The following SORCS2 variants were observed in gnomAD, a reference collection of about 807,000 sequenced individuals.
The protein encoded by SORCS2 is sortilin related VPS10 domain containing receptor 2.
A neutral mutation model predicts 141.6 loss-of-function variants in SORCS2; 100 were observed. The ratio of observed to expected loss-of-function variants is 0.71; its 90% CI spans 0.60 to 0.83. The LOEUF (loss-of-function observed/expected upper bound fraction) is 0.83, where lower values mean the gene tolerates loss of function less well. SORCS2 is among the 40% of genes least tolerant of loss of function. SORCS2 has a pLI of 0.00. For missense variants in SORCS2, 1,646 were observed against 1,560.2 expected, an observed-to-expected ratio of 1.05 and a Z score of -0.93; for synonymous variants, 789 against 676.9, an observed-to-expected ratio of 1.17 and a Z score of -2.57.
intron 1 of SORCS2, among the ~76,000 whole-genome samples, chr4:7,352,753 G>A (rs1031959439): frequency 2.6e-5 from 4 of 152,236 alleles, no homozygotes; most frequent in Non-Finnish European, 4.4e-5. Context: ...AGTCTTTGAA[G>A]CTGTCAACAG....
chr4:7,517,535 C>G (rs1293308456), intron 2 of SORCS2, among the ~76,000 whole-genome samples: 1 of 152,112 alleles, frequency 6.6e-6, no homozygotes, highest in African/African-American at 2.4e-5. Context: ...AACAGTGCCT[C>G]GAAAAATCAG....
chr4:7,324,191 C>A (rs770015162), intron 1 of SORCS2, among the ~76,000 whole-genome samples: 9 of 152,254 alleles, frequency 5.9e-5, no homozygotes, highest in Non-Finnish European at 1.3e-4. Context: ...CCTCGGCAGC[C>A]TCCCTGACGA....
chr4:7,394,674 A>T (rs561663954), intron 1 of SORCS2, among the ~76,000 whole-genome samples: 1 of 152,230 alleles, frequency 6.6e-6, no homozygotes, highest in Admixed American at 6.5e-5. Context: ...GTGACTGTCC[A>T]CAGTGGCAGA....
chr4:7,517,610 A>G (rs1377668197), intron 2 of SORCS2, among the ~76,000 whole-genome samples: 2 of 152,162 alleles, frequency 1.3e-5, no homozygotes, highest in African/African-American at 4.8e-5. Flanking sequence ...TTGTTCCAGG[A>G]CCCCCTAAGA....
chr4:7,649,109 G>A (rs1488602400), intron 4 of SORCS2, among the ~76,000 whole-genome samples: 1 of 152,200 alleles, frequency 6.6e-6, no homozygotes. Flanking sequence ...AATAGCAGGG[G>A]CAGGGCCTCT....
chr4:7,437,092 G>C (rs192989252), intron 2 of SORCS2, among the ~76,000 whole-genome samples: 8 of 152,212 alleles, frequency 5.3e-5, no homozygotes, highest in African/African-American at 1.9e-4. Context: ...TTTCAGTTCT[G>C]ACACCAACTA....
At chr4:7,468,684 C>A (rs1463087461) in intron 2 of SORCS2, among the ~76,000 whole-genome samples, 1 of 152,240 alleles carries the variant, frequency 6.6e-6, no homozygotes, top group Non-Finnish European at 1.5e-5. Context: ...GAAAGGCACT[C>A]TCTAGTCCCA....
chr4:7,620,526 G>A lies in SORCS2; in HGVS notation c.649-17802G>A, dbSNP rs970301645. On this transcript the variant is annotated intron_variant, in intron 3 of 26. Transcript: ENST00000507866. The stretch of plus-strand genomic sequence containing the variant: ...CCCAGGCGAGGGGCTCCTGTCAACC[G>A]AAGCAGATTCCTGGGGAAGCGGGCA... Among the ~76,000 whole-genome samples, 4 of 152,362 alleles carry A rather than the reference G, an allele frequency of 2.6e-5. No homozygotes were observed. In the South Asian group the frequency reaches 6.2e-4, roughly 24 times the overall value.
At chr4:7,586,350 G>T (rs865872187) in intron 3 of SORCS2, among the ~76,000 whole-genome samples, 1 of 152,118 alleles carries the variant, frequency 6.6e-6, no homozygotes, top group Non-Finnish European at 1.5e-5. Flanking sequence ...AAGTTCCAAG[G>T]TACATGTGCA....
chr4:7,477,363 TGACCG>T (rs1730363892), intron 2 of SORCS2, among the ~76,000 whole-genome samples: 1 of 134,844 alleles, frequency 7.4e-6, no homozygotes, highest in African/African-American at 2.7e-5. Context: ...TGACTGGGGC[TGACCG>T]TGGCTGACCG....
chr4:7,269,298 G>A (rs1188605054), intron 1 of SORCS2, among the ~76,000 whole-genome samples: 1 of 152,220 alleles, frequency 6.6e-6, no homozygotes, highest in Non-Finnish European at 1.5e-5. Context: ...CCGGCAGGAA[G>A]GGAGCTGCCG....
chr4:7,416,529 C>A (rs972566898), intron 2 of SORCS2, among the ~76,000 whole-genome samples: 1 of 150,724 alleles, frequency 6.6e-6, no homozygotes, highest in African/African-American at 2.5e-5. Context: ...TACTGACACA[C>A]TCACACACGC....
At position 7,570,078 on chromosome 4, in the gene SORCS2, C is replaced by T. The variant is rs570306145; in HGVS notation, c.648+38449C>T. On this transcript the variant is annotated intron_variant, in intron 3 of 26. Transcript: ENST00000507866. ...AGAGCAGGGCCCCCATAAATCGGAT[C>T]CTGGCTCTAAATGCTAATTGCTTGG... 2.3e-3 allele frequency among the ~76,000 whole-genome samples: 357 copies of T among 152,292 alleles called. 1 individual carries two copies. The highest frequency in any genetic ancestry group is 4.3e-3 in the Non-Finnish European group (290 of 68,024).
chr4:7,255,767 G>T (rs574525747), intron 1 of SORCS2, among the ~76,000 whole-genome samples: 2 of 152,256 alleles, frequency 1.3e-5, no homozygotes, highest in South Asian at 2.1e-4. Context: ...ACAGGCCAGG[G>T]CATGCCCTGG....
At chr4:7,521,132 G>A (rs1038007821) in intron 2 of SORCS2, among the ~76,000 whole-genome samples, 10 of 152,142 alleles carry the variant, frequency 6.6e-5, no homozygotes, top group African/African-American at 1.9e-4. Flanking sequence ...GTAAGGTCTC[G>A]GTGAGGTTCC....
chr4:7,737,414 C>T (rs1712278793), intron 26 of SORCS2, among the ~76,000 whole-genome samples: 1 of 152,054 alleles, frequency 6.6e-6, no homozygotes, highest in Non-Finnish European at 1.5e-5. Flanking sequence ...GCTGAGGGCC[C>T]CATCCCTGGC....
chr4:7,572,379 G>A (rs2109715175), intron 3 of SORCS2, among the ~76,000 whole-genome samples: 1 of 152,032 alleles, frequency 6.6e-6, no homozygotes, highest in Admixed American at 6.5e-5. Context: ...ATGAGCTCAA[G>A]ATGAAATCAT....
chr4:7,407,535 CTT>C lies in SORCS2; in HGVS notation c.548+11184_548+11185del, dbSNP rs370061165. On this transcript the variant is annotated intron_variant, in intron 2 of 26. Coordinates refer to ENST00000507866, the MANE Select transcript of SORCS2 (RefSeq NM_020777.3). ...TTTGGTTTCAAGTTGCATGGAATAA[CTT>C]TTTCCAGCCCATCACTTTCAGTCTA... Among the ~76,000 whole-genome samples the C allele has an allele frequency of 6.2e-3, 943 of 152,162 alleles. 13 individuals carry two copies. The highest frequency in any genetic ancestry group is 0.022 in the African/African-American group (900 of 41,552).
At position 7,494,867 on chromosome 4, in the gene SORCS2, C is replaced by T. The variant is rs1165550889; in HGVS notation, c.549-36663C>T. Among the ~76,000 whole-genome samples, 3 of 152,214 alleles carry T rather than the reference C, an allele frequency of 2.0e-5. No individual in the cohort carries two copies. The East Asian group carries it at 5.8e-4, about 29-fold the overall frequency. ...GGGATTGGATCTTTGGGCTCCGGCT[C>T]GTCTCTGCCGCTCTGAACTGGAAGT... On this transcript the variant is annotated intron_variant, in intron 2 of 26. Transcript: ENST00000507866.
Sources: allele counts gnomAD v4.1 joint callset (sites outside exome capture counted in the v4.1 genomes callset), GRCh38; gene constraint gnomAD v4.1.1; transcripts MANE v1.5; gene names NCBI Gene and HGNC (gene_info 2026-07-23, HGNC 2026-07-21).